The following ARAP2 variants were observed in gnomAD, a reference collection of about 807,000 sequenced individuals.
The protein encoded by ARAP2 is ArfGAP with RhoGAP domain, ankyrin repeat and PH domain 2.
A neutral mutation model predicts 194.5 loss-of-function variants in ARAP2; 148 were observed. The ratio of observed to expected loss-of-function variants is 0.76; its 90% confidence interval spans 0.67 to 0.87. The LOEUF (loss-of-function observed/expected upper bound fraction) is 0.87, where lower values mean the gene tolerates loss of function less well. ARAP2 is among the 40% of genes least tolerant of loss of function. The probability of loss-of-function intolerance (pLI) is 0.00; values close to 1 mark genes in which losing one functional copy is unlikely to be tolerated. For missense variants in ARAP2, 2,128 were observed against 1,989.7 expected, an observed-to-expected ratio of 1.07 and a Z score of -1.32; for synonymous variants, 695 against 683.5, an observed-to-expected ratio of 1.02 and a Z score of -0.26.
chr4:36,099,451 T>C (rs778981998), intron 27 of ARAP2, among the ~76,000 whole-genome samples: 2 of 152,080 alleles, frequency 1.3e-5, no homozygotes, highest in African/African-American at 4.8e-5. Context: ...TATAATCTAA[T>C]AGTTACTCCC....
At chr4:36,015,283 T>C (rs1388599627) in intron 8 of ARAP2, 1 of 152,256 alleles carries the variant, frequency 6.6e-6, no homozygotes, top group Admixed American at 6.5e-5. Context: ...CTGAACAGTA[T>C]AGCAAAGTTA....
chr4:36,060,944 A>T (rs953567845), intron 1 of ARAP2, among the ~76,000 whole-genome samples: 5 of 152,202 alleles, frequency 3.3e-5, no homozygotes, highest in Non-Finnish European at 7.3e-5. Flanking sequence ...GGGAATTAGG[A>T]TTTCAACATA....
chr4:36,029,567 G>A (rs1718565380), intron 5 of ARAP2, among the ~76,000 whole-genome samples: 1 of 151,928 alleles, frequency 6.6e-6, no homozygotes, highest in African/African-American at 2.4e-5. Flanking sequence ...AATGTAAAAT[G>A]TTATTTCTTT....
At chr4:36,127,802 T>C (rs576394895) in intron 21 of ARAP2, among the ~76,000 whole-genome samples, 111 of 151,996 alleles carry the variant, frequency 7.3e-4, no homozygotes, top group African/African-American at 2.5e-3. Flanking sequence ...ACATAAATTA[T>C]AAAAGTGAAG....
intron 5 of ARAP2, among the ~76,000 whole-genome samples, chr4:36,037,733 C>T (rs1032637190): frequency 1.3e-5 from 2 of 152,060 alleles, no homozygotes; most frequent in Non-Finnish European, 2.9e-5. Flanking sequence ...CTGTTCTGTG[C>T]TAATCAATCC....
chr4:36,221,324 A>T (rs199608729), intron 2 of ARAP2, among the ~76,000 whole-genome samples: 1 of 152,100 alleles, frequency 6.6e-6, no homozygotes, highest in East Asian at 1.9e-4. Flanking sequence ...ATGTGTATAC[A>T]CACACACATA....
intron 1 of ARAP2, among the ~76,000 whole-genome samples, chr4:36,235,577 T>C (rs1752284567): frequency 6.6e-6 from 1 of 152,234 alleles, no homozygotes; most frequent in Non-Finnish European, 1.5e-5. Context: ...CGGCTTCTAC[T>C]ACTGCTGGTA....
intron 13 of ARAP2, 34 bp downstream of exon 13, chr4:36,160,425 A>C: frequency 6.8e-7 from 1 of 1,468,772 alleles, no homozygotes; most frequent in South Asian, 1.4e-5. Context: ...AAAGACATTA[A>C]AATCCACGTC....
intron 5 of ARAP2, among the ~76,000 whole-genome samples, chr4:36,032,892 A>C (rs1013857428): frequency 2.0e-5 from 3 of 152,098 alleles, no homozygotes; most frequent in Non-Finnish European, 4.4e-5. Context: ...AGGTCTTAAC[A>C]TTTAGCTCCC....
At position 36,159,375 on chromosome 4, in the gene ARAP2, C is replaced by A. The variant is rs112661490; in HGVS notation, c.2573G>T (p.Gly858Val). ...GAGAAATTCCATTTGCAGACTTTGC[C>A]CAGCTTTCTTGGCTAGCAGATAGGG... The part of the protein sequence containing the change: ...STPYLLAKKA[G>V]QSLQMEFLYH... The change falls in exon 14 of 33, where the codon GGG (glycine) becomes GTG (valine). Residue 858 changes from glycine to valine, a missense_variant. Gly to Val is a moderately radical substitution (Grantham distance 109). Coordinates refer to ENST00000303965, the MANE Select transcript of ARAP2 (RefSeq NM_015230.4). 6.2e-7 allele frequency: 1 copy of A among 1,608,112 alleles called. No individual in the cohort carries two copies.
rs893958065 is a variant in ARAP2, at chr4:36,121,107, A to G, written c.3894+72T>C. On this transcript the variant is annotated intron_variant, in intron 23 of 32. Coordinates refer to ENST00000303965, the MANE Select transcript of ARAP2 (RefSeq NM_015230.4). ...ATAAAGATCTGAATAATAACACCCT[A>G]CAACATAAATATTTGTTGGCAAACA... The G allele has an allele frequency of 2.2e-5, 26 of 1,182,632 alleles. No individual in the cohort carries two copies. The Admixed American group carries it at 5.9e-4, about 27-fold the overall frequency. The allele number at this position is 1,182,632 out of a possible 1,614,324, so 73.3% of individuals were successfully genotyped here.
At chr4:36,058,638 T>C (rs945634814) in intron 1 of ARAP2, among the ~76,000 whole-genome samples, 4 of 152,160 alleles carry the variant, frequency 2.6e-5, no homozygotes, top group South Asian at 2.1e-4. Context: ...AGTGAAATCA[T>C]TGTTCTTCTT....
chr4:36,059,049 C>G (rs1171332945), intron 1 of ARAP2, among the ~76,000 whole-genome samples: 3 of 152,018 alleles, frequency 2.0e-5, no homozygotes, highest in Non-Finnish European at 4.4e-5. Flanking sequence ...CCTTTTCATG[C>G]CTAGTGATGC....
intron 10 of ARAP2, chr4:36,006,173 G>A (rs2109297513): frequency 6.6e-6 from 1 of 152,328 alleles, no homozygotes; most frequent in Non-Finnish European, 1.5e-5. Flanking sequence ...CTGAAGAGAG[G>A]ACTATTCCAG....
intron 19 of ARAP2, among the ~76,000 whole-genome samples, chr4:36,136,707 G>A (rs1023079406): frequency 1.1e-4 from 17 of 151,452 alleles, no homozygotes; most frequent in African/African-American, 3.1e-4. Flanking sequence ...ACAGAAATAC[G>A]GTTATCAGCC....
At chr4:36,180,919 ATAATC>A (rs1439584730) in intron 8 of ARAP2, among the ~76,000 whole-genome samples, 22 of 152,360 alleles carry the variant, frequency 1.4e-4, no homozygotes, top group African/African-American at 2.2e-4. Context: ...AACGGAACAG[ATAATC>A]TAAACACAAT....
intron 15 of ARAP2, among the ~76,000 whole-genome samples, chr4:36,151,374 C>A (rs963891913): frequency 4.6e-5 from 7 of 152,058 alleles, no homozygotes; most frequent in Non-Finnish European, 7.4e-5. Flanking sequence ...AAAAGGAAAA[C>A]AAAAACGTAG....
rs932126269 is a variant in ARAP2, at chr4:36,056,924, T to C, written n.321+1046A>G. On this transcript the variant is annotated intron_variant and non_coding_transcript_variant, in intron 2 of 12. Coordinates refer to the ARAP2 transcript ENST00000503225. The stretch of plus-strand genomic sequence containing the variant: ...CACAAGACATTATATCATCATTTAG[T>C]ACAGTCAATATTATGTTTACCTGAT... Among the ~76,000 whole-genome samples the C allele has an allele frequency of 6.6e-5, 10 of 152,130 alleles. No homozygotes were observed. In the South Asian group the frequency reaches 1.5e-3, roughly 22 times the overall value.
intron 2 of ARAP2, 143 bp downstream of exon 2, chr4:36,228,439 C>CTT: frequency 1.2e-6 from 1 of 862,044 alleles, no homozygotes; most frequent in Non-Finnish European, 1.7e-6. Context: ...GGGATGAAGA[C>CTT]TTTTTTTTTA....
Sources: gnomAD v4.1 joint callset for allele counts (sites outside exome capture counted in the v4.1 genomes callset) on GRCh38, gnomAD v4.1.1 for gene constraint, MANE v1.5 for transcripts, NCBI Gene and HGNC (gene_info 2026-07-23, HGNC 2026-07-21) for gene names.